The following TMEM178B variants were observed in gnomAD, a reference collection of about 807,000 sequenced individuals.
TMEM178B encodes transmembrane protein 178B.
In TMEM178B, 5 loss-of-function variants were observed where a neutral mutation model predicts 31.0. That is an observed-to-expected ratio of 0.16 (90% CI 0.08 to 0.34). TMEM178B has a LOEUF of 0.34. Ranked by LOEUF, TMEM178B falls within the 10% of genes least tolerant of loss-of-function variation. The pLI is 1.00. For missense variants in TMEM178B, 275 were observed against 400.3 expected (o/e 0.69, Z 2.67); for synonymous variants, 164 against 164.0 (o/e 1.00, Z 0.00).
chr7:141,320,907 C>G (rs780410881), intron 2 of TMEM178B, among the ~76,000 whole-genome samples: 12 of 152,154 alleles, frequency 7.9e-5, no homozygotes, highest in Admixed American at 3.3e-4. Context: ...GGCACCCCAT[C>G]TTGTGAACTG....
chr7:141,305,614 T>C (rs969382369), intron 2 of TMEM178B, among the ~76,000 whole-genome samples: 1 of 152,030 alleles, frequency 6.6e-6, no homozygotes, highest in Admixed American at 6.6e-5. Context: ...TTTGTATTTT[T>C]AGTACAGATG....
At chr7:141,383,270 C>T (rs2116590780) in intron 2 of TMEM178B, among the ~76,000 whole-genome samples, 1 of 151,164 alleles carries the variant, frequency 6.6e-6, no homozygotes, top group African/African-American at 2.4e-5. Flanking sequence ...GCACAACGTG[C>T]AGGTTTGTTA....
intron 2 of TMEM178B, chr7:141,297,239 A>G (rs1798649620): frequency 6.6e-6 from 1 of 152,198 alleles, no homozygotes; most frequent in African/African-American, 2.4e-5. Flanking sequence ...CTCTTTCTTT[A>G]AAGTAGAAGT....
At chr7:141,418,382 T>G (rs1801138325) in intron 2 of TMEM178B, among the ~76,000 whole-genome samples, 1 of 152,066 alleles carries the variant, frequency 6.6e-6, no homozygotes, top group Non-Finnish European at 1.5e-5. Flanking sequence ...GTTATAAATC[T>G]AGTAGGGGCC....
the TMEM178B span, among the ~76,000 whole-genome samples, chr7:141,509,907 G>A: frequency 6.6e-6 from 1 of 152,298 alleles, no homozygotes; most frequent in East Asian, 1.9e-4. Flanking sequence ...GATGTCTAAG[G>A]TCAAGTCAAG....
At chr7:141,199,190 G>A (rs1796835476) in intron 1 of TMEM178B, among the ~76,000 whole-genome samples, 1 of 152,106 alleles carries the variant, frequency 6.6e-6, no homozygotes, top group Non-Finnish European at 1.5e-5. Context: ...ACTCAGAAAA[G>A]GGGCAAAGGC....
Position 141,216,448 on chromosome 7 carries a change from T to TGTGC in TMEM178B, c.496+3745_496+3746insTGCG, listed in dbSNP as rs1415593747. Reference sequence around the variant, plus strand: ...CTGTGTGTGTGTGTGTGTGTGTGTGTGCGCGCGCGCGCGCGTGTGTGTGTG... The same window carrying TGTGC: ...CTGTGTGTGTGTGTGTGTGTGTGTGTGTGCGCGCGCGCGCGCGCGTGTGTGTGTG... On this transcript the variant is annotated intron_variant, in intron 2 of 3. Coordinates refer to ENST00000565468, the MANE Select transcript of TMEM178B (RefSeq NM_001195278.2). Among the ~76,000 whole-genome samples, 8 of 135,840 alleles carry TGTGC rather than the reference T, an allele frequency of 5.9e-5. 2 individuals are homozygous for TGTGC. Among genetic ancestry groups the TGTGC allele is most frequent in the African/African-American group, 1.8e-4 (6 of 34,266 alleles). 89.1% of individuals were successfully genotyped at this position (135,840 alleles called of 152,430 possible). A position where few individuals can be genotyped will look rare whatever the true frequency, so the allele number is the denominator to read the frequency against.
At chr7:141,386,489 C>T (rs939512910) in intron 2 of TMEM178B, among the ~76,000 whole-genome samples, 5 of 152,132 alleles carry the variant, frequency 3.3e-5, no homozygotes, top group South Asian at 4.2e-4. Flanking sequence ...TCTCTGGACA[C>T]GCTGTGTAGT....
At chr7:141,408,338 C>T (rs750407325) in intron 2 of TMEM178B, among the ~76,000 whole-genome samples, 10 of 152,186 alleles carry the variant, frequency 6.6e-5, no homozygotes, top group South Asian at 2.1e-4. Flanking sequence ...TTTCATCCCA[C>T]GTGTGCTGAA....
At chr7:141,159,237 T>G (rs1035123581) in intron 1 of TMEM178B, among the ~76,000 whole-genome samples, 2 of 152,150 alleles carry the variant, frequency 1.3e-5, no homozygotes, top group Non-Finnish European at 2.9e-5. Flanking sequence ...GCAGTCACTC[T>G]TGCTCCCACA....
chr7:141,391,145 T>C (rs1480096948), intron 2 of TMEM178B, among the ~76,000 whole-genome samples: 2 of 151,776 alleles, frequency 1.3e-5, no homozygotes, highest in Non-Finnish European at 2.9e-5. Flanking sequence ...TTACTGTTTA[T>C]GGTGACAGTT....
chr7:141,400,990 G>A (rs992067419), intron 2 of TMEM178B, among the ~76,000 whole-genome samples: 7 of 152,206 alleles, frequency 4.6e-5, no homozygotes, highest in Admixed American at 3.3e-4. Context: ...CCTTCAGAAT[G>A]ACTATCTGGA....
At chr7:141,212,862 A>T (rs1011924337) in intron 2 of TMEM178B, 158 bp downstream of exon 2, 4 of 578,984 alleles carry the variant, frequency 6.9e-6, no homozygotes, top group Non-Finnish European at 1.2e-5. Context: ...GAATTGCCTC[A>T]GTTGGTTTTG....
intron 2 of TMEM178B, among the ~76,000 whole-genome samples, chr7:141,308,857 G>A (rs961897314): frequency 6.6e-6 from 1 of 152,164 alleles, no homozygotes; most frequent in Admixed American, 6.5e-5. Context: ...GTTGTAATTG[G>A]CCACCTTTGT....
At chr7:141,129,225 T>C (rs542363161) in intron 1 of TMEM178B, among the ~76,000 whole-genome samples, 1 of 152,328 alleles carries the variant, frequency 6.6e-6, no homozygotes, top group Non-Finnish European at 1.5e-5. Context: ...GTGGATTGAA[T>C]GAATGAACTA....
chr7:141,463,680 CAG>C (rs1325453752), intron 3 of TMEM178B, among the ~76,000 whole-genome samples: 1 of 152,212 alleles, frequency 6.6e-6, no homozygotes, highest in Non-Finnish European at 1.5e-5. Context: ...GAGATCTGAG[CAG>C]AGCTGGAAGA....
intron 1 of TMEM178B, among the ~76,000 whole-genome samples, chr7:141,163,639 C>T (rs370423556): frequency 2.3e-4 from 35 of 151,736 alleles, no homozygotes; most frequent in African/African-American, 7.7e-4. Context: ...CTCAGTCTGC[C>T]GAGTAGCTGG....
chr7:141,257,526 T>G (rs1004441921), intron 2 of TMEM178B, among the ~76,000 whole-genome samples: 1 of 152,176 alleles, frequency 6.6e-6, no homozygotes, highest in Non-Finnish European at 1.5e-5. Flanking sequence ...TGAATGACCA[T>G]TGAAGTTTTA....
rs576046812 is a variant in TMEM178B, at chr7:141,470,805, C to CAT, written c.*31_*32dup. Reference sequence around the variant, plus strand: ...GTGCTAAAAAACAAACCCATACATACATATATATATATAAATATATATATA... The same window carrying CAT: ...GTGCTAAAAAACAAACCCATACATACATATATATATATATAAATATATATATA... On this transcript the variant is annotated 3_prime_UTR_variant, in exon 4 of 4. Transcript: ENST00000565468. The CAT allele has an allele frequency of 8.8e-4, 975 of 1,103,770 alleles. 2 individuals carry two copies. Among genetic ancestry groups the CAT allele is most frequent in the Admixed American group, 2.2e-3 (52 of 23,228 alleles). 68.4% of individuals were successfully genotyped at this position (1,103,770 alleles called of 1,614,324 possible). A position where few individuals can be genotyped will look rare whatever the true frequency, so the allele number is the denominator to read the frequency against.
Sources: allele counts gnomAD v4.1 joint callset (sites outside exome capture counted in the v4.1 genomes callset), GRCh38; gene constraint gnomAD v4.1.1; transcripts MANE v1.5; gene names NCBI Gene and HGNC (gene_info 2026-07-23, HGNC 2026-07-21).